The following CHD1L variants were observed in gnomAD, a reference collection of about 807,000 sequenced individuals.
The protein encoded by CHD1L is chromodomain helicase DNA binding protein 1 like, also known as ATP-dependent chromatin remodeler CHD1L.
A neutral mutation model predicts 115.9 loss-of-function variants in CHD1L; 118 were observed. That is an observed-to-expected ratio of 1.02 (90% confidence interval 0.88 to 1.19). The LOEUF (loss-of-function observed/expected upper bound fraction) is 1.19. Ranked by LOEUF, CHD1L falls within the 50% of genes most tolerant of loss-of-function variation. CHD1L has a pLI of 0.00. For synonymous variants in CHD1L, 411 were observed against 387.1 expected (o/e 1.06, Z -0.72); for missense variants, 1,179 against 1,065.3 (o/e 1.11, Z -1.49).
intron 11 of CHD1L, among the ~76,000 whole-genome samples, chr1:147,271,461 G>A (rs1676193130): frequency 6.6e-6 from 1 of 152,156 alleles, no homozygotes; most frequent in African/African-American, 2.4e-5. Flanking sequence ...AAAGAATGTA[G>A]GTTATTACCT....
intron 19 of CHD1L, 88 bp from the exon 20 acceptor site, chr1:147,291,394 C>A (rs587652117): frequency 8.5e-7 from 1 of 1,170,496 alleles, no homozygotes; most frequent in Non-Finnish European, 1.3e-6. Flanking sequence ...TGAAACCCAA[C>A]TGAATTTGAA....
In CHD1L at chr1:147,244,714, T is replaced by G. The variant is rs587628386; in HGVS notation, c.127+1884T>G. 2.7e-4 allele frequency among the ~76,000 whole-genome samples: 41 copies of G among 152,188 alleles called. No homozygotes were observed. In the South Asian group the frequency reaches 8.5e-3, roughly 32 times the overall value. ...AACTTTTTTTCCTTATCATTCAGTC[T>G]TCTTCAACATCATTCTTAATGGTTA... On this transcript the variant is annotated intron_variant, in intron 1 of 22. Coordinates refer to ENST00000369258, the MANE Select transcript of CHD1L (RefSeq NM_004284.6).
chr1:147,220,983 T>G, the CHD1L span, among the ~76,000 whole-genome samples: 1 of 148,544 alleles, frequency 6.7e-6, no homozygotes, highest in Non-Finnish European at 1.5e-5. Flanking sequence ...GTGGATAGTA[T>G]GTACCCTTGA....
At chr1:147,258,509 G>T (rs1670847100) in intron 5 of CHD1L, among the ~76,000 whole-genome samples, 1 of 152,174 alleles carries the variant, frequency 6.6e-6, no homozygotes, top group Admixed American at 6.5e-5. Context: ...AACTTCAACT[G>T]GACCTTTGTT....
the CHD1L span, among the ~76,000 whole-genome samples, chr1:147,227,565 A>T: frequency 6.6e-6 from 1 of 152,244 alleles, no homozygotes. Flanking sequence ...TCTCTTGCCT[A>T]GCTGACAATT....
At chr1:147,224,279 G>C in the CHD1L span, 2 of 193,504 alleles carry the variant, frequency 1.0e-5, no homozygotes, top group Non-Finnish European at 2.1e-5. Context: ...AATGTCCTGG[G>C]TCCTAAATCT....
Position 147,293,697 on chromosome 1 carries a change from A to T in CHD1L, c.2481A>T (p.Ile827=). ...MAALEEGLKK[I]FLAAKKKKAS... is the part of the protein sequence containing the mutation. Reference sequence around the variant, plus strand: ...CCCTAGAAGAGGGCCTGAAGAAGATATTTTTAGCAGCAAAAAAGAAGAAAG... The same window carrying T: ...CCCTAGAAGAGGGCCTGAAGAAGATTTTTTTAGCAGCAAAAAAGAAGAAAG... Residue 827 remains isoleucine, a synonymous_variant, in exon 21 of 23, where the codon ATA becomes ATT. Coordinates refer to ENST00000369258, the MANE Select transcript of CHD1L (RefSeq NM_004284.6). The T allele has an allele frequency of 6.2e-7, 1 of 1,614,050 alleles. No individual in the cohort carries two copies.
At chr1:147,191,922 T>C in the CHD1L span, among the ~76,000 whole-genome samples, 1 of 152,086 alleles carries the variant, frequency 6.6e-6, no homozygotes, top group Non-Finnish European at 1.5e-5. Context: ...AGCCTTGTAG[T>C]ATAGTTTGAA....
At chr1:147,209,239 GAAACCCCGTCTCTACTGAA>G in the CHD1L span, among the ~76,000 whole-genome samples, 27 of 152,134 alleles carry the variant, frequency 1.8e-4, no homozygotes, top group Admixed American at 1.4e-3. Flanking sequence ...CTAACACAGT[GAAACCCCGTCTCTACTGAA>G]AAACCCCGTC....
At chr1:147,252,836 C>A in intron 2 of CHD1L, 101 bp downstream of exon 2, 3 of 952,050 alleles carry the variant, frequency 3.2e-6, no homozygotes, top group Non-Finnish European at 4.8e-6. Context: ...AGCTCAGTTT[C>A]ACAAATGTCC....
At chr1:147,233,250 C>T in the CHD1L span, among the ~76,000 whole-genome samples, 7 of 151,320 alleles carry the variant, frequency 4.6e-5, no homozygotes, top group Non-Finnish European at 8.8e-5. Context: ...AAGTGAGGAG[C>T]CCCTCCGCCC....
At chr1:147,173,022 A>T in the CHD1L span, 2 of 152,494 alleles carry the variant, frequency 1.3e-5, no homozygotes, top group African/African-American at 2.4e-5. Flanking sequence ...AACTGTTCTG[A>T]CCGGGCGCAG....
chr1:147,191,135 A>C, the CHD1L span, among the ~76,000 whole-genome samples: 4 of 152,158 alleles, frequency 2.6e-5, no homozygotes, highest in South Asian at 8.3e-4. Context: ...ATAGTGCCGC[A>C]ATAAACATAC....
chr1:147,234,096 AAAAT>A, the CHD1L span, among the ~76,000 whole-genome samples: 1 of 152,202 alleles, frequency 6.6e-6, no homozygotes, highest in African/African-American at 2.4e-5. Context: ...ATCAATAAAA[AAAAT>A]AAATAAATAA....
At chr1:147,264,397 T>A (rs1559783216) in intron 6 of CHD1L, 25 bp from the exon 7 acceptor site, 3 of 1,543,426 alleles carry the variant, frequency 1.9e-6, no homozygotes, top group Non-Finnish European at 2.6e-6. Context: ...ATGGAATTTT[T>A]ATTTTATTTA....
the CHD1L span, among the ~76,000 whole-genome samples, chr1:147,183,630 A>T: frequency 6.6e-6 from 1 of 152,216 alleles, no homozygotes; most frequent in African/African-American, 2.4e-5. Flanking sequence ...TTTGATACTG[A>T]GGGTCAGGAA....
the CHD1L span, among the ~76,000 whole-genome samples, chr1:147,226,572 G>C: frequency 2.6e-5 from 4 of 152,168 alleles, no homozygotes; most frequent in Non-Finnish European, 5.9e-5. Flanking sequence ...TCAGGCACTG[G>C]GTTAGAACAA....
intron 7 of CHD1L, 122 bp from the exon 8 acceptor site, chr1:147,265,810 G>A: frequency 1.3e-6 from 1 of 798,214 alleles, no homozygotes; most frequent in South Asian, 2.1e-5. Flanking sequence ...TGATCATACT[G>A]GCCTAGAATG....
At chr1:147,240,496 C>A (rs1247204107), upstream of CHD1L, among the ~76,000 whole-genome samples, 1 of 152,146 alleles carries the variant, frequency 6.6e-6, no homozygotes, top group African/African-American at 2.4e-5. Flanking sequence ...ACCTGACCGT[C>A]CCCCAGCCTG....
Sources: gnomAD v4.1 joint callset for allele counts (sites outside exome capture counted in the v4.1 genomes callset) on GRCh38, gnomAD v4.1.1 for gene constraint, MANE v1.5 for transcripts, NCBI Gene and HGNC (gene_info 2026-07-23, HGNC 2026-07-21) for gene names.